IGF2BP1: variants seen among roughly 807,000 people sequenced by gnomAD.
The protein encoded by IGF2BP1 is insulin-like growth factor 2 mRNA-binding protein 1.
A neutral mutation model predicts 74.9 loss-of-function variants in IGF2BP1; 11 were observed. The ratio of observed to expected loss-of-function variants is 0.15; its 90% CI spans 0.09 to 0.24. The LOEUF is 0.24. IGF2BP1 is among the 10% of genes least tolerant of loss of function. The probability of loss-of-function intolerance (pLI) is 1.00; values close to 1 mark genes in which losing one functional copy is unlikely to be tolerated. For missense variants in IGF2BP1, 440 were observed against 757.4 expected, an observed-to-expected ratio of 0.58 and a Z score of 4.92; for synonymous variants, 287 against 281.8, an observed-to-expected ratio of 1.02 and a Z score of -0.18.
intron 5 of IGF2BP1, 33 bp downstream of exon 5, chr17:49,032,006 T>TGGGGGGGGGGGGGCGGG: frequency 1.1e-6 from 1 of 899,380 alleles, no homozygotes; most frequent in Non-Finnish European, 1.8e-6. Context: ...CTGGGTGCGG[T>TGGGGGGGGGGGGGCGGG]GGGGGGGGGT....
At chr17:49,026,743 GCCTTCCTGCCTTCCTGCCTT>G (rs2041863441) in intron 4 of IGF2BP1, among the ~76,000 whole-genome samples, 1 of 125,002 alleles carries the variant, frequency 8.0e-6, no homozygotes, top group East Asian at 2.3e-4. Context: ...CTTCCTGCCT[GCCTTCCTGCCTTCCTGCCTT>G]CCTGTCTATC....
intron 4 of IGF2BP1, 40 bp from the exon 5 acceptor site, chr17:49,031,870 G>C (rs904876262): frequency 1.3e-6 from 2 of 1,590,616 alleles, no homozygotes; most frequent in African/African-American, 1.4e-5. Context: ...TGGGCCTCCA[G>C]ATTTCCCTGC....
At chr17:49,029,075 G>A (rs920502616) in intron 4 of IGF2BP1, among the ~76,000 whole-genome samples, 2 of 152,138 alleles carry the variant, frequency 1.3e-5, no homozygotes, top group Non-Finnish European at 2.9e-5. Flanking sequence ...AAAATGCTGG[G>A]ATTACAGGAG....
At chr17:49,016,797 G>T (rs539470809) in intron 2 of IGF2BP1, among the ~76,000 whole-genome samples, 2 of 19,856 alleles carry the variant, frequency 1.0e-4, no homozygotes, top group African/African-American at 4.7e-4. Context: ...CAGCCCGCCC[G>T]CCCGCCCCCC....
intron 2 of IGF2BP1, among the ~76,000 whole-genome samples, chr17:49,021,975 A>G (rs2041798404): frequency 1.3e-5 from 2 of 152,104 alleles, no homozygotes; most frequent in African/African-American, 2.4e-5. Context: ...ATAACTGTTA[A>G]CTATTGTCAG....
At chr17:49,036,581 A>G (rs1214902447) in intron 5 of IGF2BP1, 1 of 152,190 alleles carries the variant, frequency 6.6e-6, no homozygotes, top group African/African-American at 2.4e-5. Flanking sequence ...TTGCTGCTTC[A>G]ACACCCGCCA....
At chr17:49,034,765 C>CAAAAAAAAAAA (rs759683218) in intron 5 of IGF2BP1, among the ~76,000 whole-genome samples, 2 of 137,592 alleles carry the variant, frequency 1.5e-5, no homozygotes, top group African/African-American at 5.6e-5. Flanking sequence ...ACAAAAAAAA[C>CAAAAAAAAAAA]AAAAAAAACG....
chr17:49,015,000 G>A lies in IGF2BP1; in HGVS notation c.237-10618G>A, dbSNP rs1179839111. On this transcript the variant is annotated intron_variant, in intron 2 of 14. Coordinates refer to ENST00000290341, the MANE Select transcript of IGF2BP1 (RefSeq NM_006546.4). ...TCCACTGGGCACCAGCTCCATCCTC[G>A]GCCGGGCCTCTGAAACCCCGAGTGC... The A allele has an allele frequency of 6.3e-6, 6 of 950,748 alleles. No individual in the cohort carries two copies. In the Admixed American group the frequency reaches 1.9e-4, roughly 29 times the overall value. 58.9% of individuals were successfully genotyped at this position (950,748 alleles called of 1,614,324 possible).
At chr17:49,045,192 TC>T in intron 12 of IGF2BP1, 127 bp downstream of exon 12, 2 of 726,044 alleles carry the variant, frequency 2.8e-6, no homozygotes, top group East Asian at 5.0e-5. Context: ...CTTTAAGCCT[TC>T]CATGCAGGAT....
chr17:49,044,959 G>C (rs749296455), intron 11 of IGF2BP1, 32 bp from the exon 12 acceptor site: 2 of 1,586,080 alleles, frequency 1.3e-6, no homozygotes, highest in Non-Finnish European at 1.7e-6. Flanking sequence ...TCCCATAGAG[G>C]GTCCCTCATT....
chr17:49,024,083 A>C (rs918222795), intron 2 of IGF2BP1, among the ~76,000 whole-genome samples: 2 of 78,094 alleles, frequency 2.6e-5, no homozygotes, highest in Non-Finnish European at 5.2e-5. Context: ...CACCCTGCTA[A>C]TTTTTTTTTT....
intron 4 of IGF2BP1, among the ~76,000 whole-genome samples, chr17:49,028,915 G>T (rs1045342568): frequency 6.6e-6 from 1 of 152,084 alleles, no homozygotes; most frequent in Non-Finnish European, 1.5e-5. Context: ...TCAAGCGGTT[G>T]TCCTGCCTCA....
intron 8 of IGF2BP1, 151 bp downstream of exon 8, chr17:49,041,651 T>C: frequency 9.1e-7 from 1 of 1,097,450 alleles, no homozygotes. Context: ...AAAGAGCATT[T>C]AAAAAATCCC....
At chr17:49,032,080 C>A in intron 5 of IGF2BP1, 107 bp downstream of exon 5, 1 of 968,380 alleles carries the variant, frequency 1.0e-6, no homozygotes, top group Non-Finnish European at 1.6e-6. Context: ...CAGGCTGGGT[C>A]CCCATCCAGG....
intron 8 of IGF2BP1, 97 bp from the exon 9 acceptor site, chr17:49,042,145 G>A: frequency 6.7e-7 from 1 of 1,492,468 alleles, no homozygotes; most frequent in Admixed American, 1.9e-5. Context: ...CTGCAGAAAT[G>A]GTGGGCCTGT....
rs1293531267 is a variant in IGF2BP1, at chr17:49,054,057, T to C, written c.*4613T>C. On this transcript the variant is annotated 3_prime_UTR_variant, in exon 15 of 15. Coordinates refer to ENST00000290341, the MANE Select transcript of IGF2BP1 (RefSeq NM_006546.4). Reference sequence around the variant, plus strand: ...CATTTCTCTGTATTCAGACTTAGAGTAACACCAGCTGAAAACTGCAGTTTC... The same window carrying C: ...CATTTCTCTGTATTCAGACTTAGAGCAACACCAGCTGAAAACTGCAGTTTC... 1.3e-5 allele frequency: 2 copies of C among 152,620 alleles called. No homozygotes were observed. Among genetic ancestry groups the C allele is most frequent in the Admixed American group, 6.5e-5 (1 of 15,288 alleles). The allele number at this position is 152,620 out of a possible 1,614,324, so 9.5% of individuals were successfully genotyped here.
chr17:49,014,980 T>G (rs941978574), intron 2 of IGF2BP1: 18 of 976,204 alleles, frequency 1.8e-5, no homozygotes, highest in Non-Finnish European at 2.2e-5. Flanking sequence ...CGCCTTCCAC[T>G]GGGCACCAGC....
Position 49,050,807 on chromosome 17 carries a change from T to C in IGF2BP1, c.*1363T>C, listed in dbSNP as rs1024965450. On this transcript the variant is annotated 3_prime_UTR_variant, in exon 15 of 15. Coordinates refer to ENST00000290341, the MANE Select transcript of IGF2BP1 (RefSeq NM_006546.4). ...CAGGCTTAATTAAGATCCCATGGAGTGTTTAGCCCTTGTGGGAGACAGAAG... is the reference window on the plus strand; with the variant it reads ...CAGGCTTAATTAAGATCCCATGGAGCGTTTAGCCCTTGTGGGAGACAGAAG... The C allele has an allele frequency of 6.6e-6, 1 of 152,514 alleles. No individual in the cohort carries two copies. Among genetic ancestry groups the C allele is most frequent in the Non-Finnish European group, 1.5e-5 (1 of 68,016 alleles). The allele number at this position is 152,514 out of a possible 1,614,324, so 9.4% of individuals were successfully genotyped here. A position where few individuals can be genotyped will look rare whatever the true frequency, so the allele number is the denominator to read the frequency against.
At chr17:49,013,340 G>A (rs1003973457) in intron 2 of IGF2BP1, among the ~76,000 whole-genome samples, 20 of 152,086 alleles carry the variant, frequency 1.3e-4, no homozygotes, top group Non-Finnish European at 2.6e-4. Flanking sequence ...CTTTCTCTGC[G>A]GGTTCCGAAG....
Sources: allele counts gnomAD v4.1 joint callset (sites outside exome capture counted in the v4.1 genomes callset), GRCh38; gene constraint gnomAD v4.1.1; transcripts MANE v1.5; gene names NCBI Gene and HGNC (gene_info 2026-07-23, HGNC 2026-07-21).